TMEM132B: variants seen among roughly 807,000 people sequenced by gnomAD.
The protein encoded by TMEM132B is transmembrane protein 132B.
A neutral mutation model predicts 90.8 loss-of-function variants in TMEM132B; 18 were observed. That is an observed-to-expected ratio of 0.20 (90% CI 0.14 to 0.29). TMEM132B has a LOEUF of 0.29. Among genes scored for constraint, TMEM132B ranks in the 10% least tolerant of loss-of-function variants. The probability of loss-of-function intolerance (pLI) is 1.00; values close to 1 mark genes in which losing one functional copy is unlikely to be tolerated. For synonymous variants in TMEM132B, 504 were observed against 523.3 expected, an observed-to-expected ratio of 0.96 and a Z score of 0.50; for missense variants, 1,096 against 1,326.8, an observed-to-expected ratio of 0.83 and a Z score of 2.70.
intron 5 of TMEM132B, among the ~76,000 whole-genome samples, chr12:125,616,406 A>G (rs1187334686): frequency 6.6e-6 from 1 of 152,104 alleles, no homozygotes; most frequent in African/African-American, 2.4e-5. Context: ...CTGGCTGGCA[A>G]AGGTGGTCTT....
At chr12:125,584,258 C>T (rs962189841) in intron 5 of TMEM132B, 1 of 479,850 alleles carries the variant, frequency 2.1e-6, no homozygotes, top group Non-Finnish European at 3.8e-6. Flanking sequence ...TTCTCCTCCC[C>T]TTCTTGTCTC....
intron 1 of TMEM132B, among the ~76,000 whole-genome samples, chr12:125,258,401 G>A (rs908706985): frequency 1.3e-5 from 2 of 152,180 alleles, no homozygotes; most frequent in African/African-American, 2.4e-5. Flanking sequence ...ATAGCTAGGG[G>A]CAGGAAGCAC....
intron 1 of TMEM132B, among the ~76,000 whole-genome samples, chr12:125,244,355 A>G (rs1874159552): frequency 6.6e-6 from 1 of 152,142 alleles, no homozygotes; most frequent in African/African-American, 2.4e-5. Flanking sequence ...CTGGAGTGAG[A>G]GCAGAGGTGG....
intron 2 of TMEM132B, among the ~76,000 whole-genome samples, chr12:125,364,620 G>A (rs1428947229): frequency 6.6e-6 from 1 of 152,000 alleles, no homozygotes; most frequent in African/African-American, 2.4e-5. Context: ...ACAATGTTGG[G>A]TCTTCCGATA....
At chr12:125,260,818 A>T (rs1027550174) in intron 1 of TMEM132B, among the ~76,000 whole-genome samples, 3 of 152,158 alleles carry the variant, frequency 2.0e-5, no homozygotes, top group Admixed American at 6.5e-5. Context: ...TAGGAGGGCG[A>T]CGTTGGAAGA....
chr12:125,206,097 G>A (rs1873177313), intron 1 of TMEM132B, among the ~76,000 whole-genome samples: 2 of 152,286 alleles, frequency 1.3e-5, no homozygotes, highest in Middle Eastern at 3.4e-3. Flanking sequence ...CCCACAGCTA[G>A]GAGACAGTGG....
chr12:125,365,952 A>G (rs1219488231), intron 2 of TMEM132B, among the ~76,000 whole-genome samples: 2 of 152,066 alleles, frequency 1.3e-5, no homozygotes, highest in African/African-American at 2.4e-5. Context: ...ATTGAATACT[A>G]AAACTATTTC....
At chr12:125,598,199 C>G (rs1022047034) in intron 5 of TMEM132B, among the ~76,000 whole-genome samples, 1 of 152,036 alleles carries the variant, frequency 6.6e-6, no homozygotes, top group African/African-American at 2.4e-5. Flanking sequence ...AGCAATTACA[C>G]GCCATTATTT....
intron 5 of TMEM132B, among the ~76,000 whole-genome samples, chr12:125,622,061 C>T (rs12301308): frequency 0.19 from 29,417 of 152,024 alleles, 3,316 homozygotes; most frequent in African/African-American, 0.3. Context: ...AGCTGAGGTC[C>T]CTTTCAGCAG....
chr12:125,325,863 G>C (rs1335518113), intron 1 of TMEM132B, among the ~76,000 whole-genome samples: 1 of 152,118 alleles, frequency 6.6e-6, no homozygotes. Context: ...ATTCTCTCTT[G>C]TGTCTCATGG....
chr12:125,479,049 A>G (rs541059196), intron 3 of TMEM132B, among the ~76,000 whole-genome samples: 1 of 152,342 alleles, frequency 6.6e-6, no homozygotes, highest in Non-Finnish European at 1.5e-5. Flanking sequence ...TCCTTTACAG[A>G]CAAACAAATG....
chr12:125,342,018 C>A (rs1258656792), intron 1 of TMEM132B, among the ~76,000 whole-genome samples: 1 of 151,926 alleles, frequency 6.6e-6, no homozygotes, highest in Non-Finnish European at 1.5e-5. Context: ...GATGTTATGC[C>A]TATATTCTCT....
chr12:125,262,047 C>T (rs1394855784), intron 1 of TMEM132B, among the ~76,000 whole-genome samples: 1 of 152,052 alleles, frequency 6.6e-6, no homozygotes, highest in Non-Finnish European at 1.5e-5. Flanking sequence ...CACAACAAAC[C>T]AGTAATACCT....
intron 1 of TMEM132B, among the ~76,000 whole-genome samples, chr12:125,252,019 GT>G (rs990057409): frequency 2.0e-5 from 3 of 152,226 alleles, no homozygotes; most frequent in African/African-American, 7.2e-5. Context: ...ACTGGGGAGA[GT>G]TGTATGTGAA....
At chr12:125,325,287 C>A (rs1014012083) in intron 1 of TMEM132B, among the ~76,000 whole-genome samples, 2 of 152,092 alleles carry the variant, frequency 1.3e-5, no homozygotes, top group African/African-American at 4.8e-5. Context: ...AAAACAGGAG[C>A]GTTTGATGCC....
intron 1 of TMEM132B, among the ~76,000 whole-genome samples, chr12:125,255,061 T>C (rs1392813811): frequency 6.6e-6 from 1 of 152,154 alleles, no homozygotes; most frequent in Non-Finnish European, 1.5e-5. Context: ...GATTTGATGA[T>C]ATGCGTGGAA....
chr12:125,515,817 C>CAT lies in TMEM132B; in HGVS notation c.1107-3621_1107-3620insTA, dbSNP rs1417783871. Among the ~76,000 whole-genome samples the CAT allele has an allele frequency of 9.8e-3, 1,372 of 139,948 alleles. 22 individuals carry two copies. The highest frequency in any genetic ancestry group is 0.036 in the African/African-American group (1,333 of 37,418). 91.8% of individuals were successfully genotyped at this position (139,948 alleles called of 152,430 possible). ...TTCACACAAATACACATTCTATCAACACATTCACACATTCTGTCACACACA... is the reference window on the plus strand; with the variant it reads ...TTCACACAAATACACATTCTATCAACATACATTCACACATTCTGTCACACACA... On this transcript the variant is annotated intron_variant, in intron 3 of 8. Coordinates refer to ENST00000682704, the MANE Select transcript of TMEM132B (RefSeq NM_001366854.1).
chr12:125,335,419 G>T (rs1197597879), intron 1 of TMEM132B, among the ~76,000 whole-genome samples: 1 of 152,180 alleles, frequency 6.6e-6, no homozygotes, highest in East Asian at 1.9e-4. Context: ...CTGGGGAGGG[G>T]CACATGACCC....
chr12:125,597,926 G>A (rs997735089), intron 5 of TMEM132B, among the ~76,000 whole-genome samples: 2 of 152,178 alleles, frequency 1.3e-5, no homozygotes, highest in East Asian at 3.8e-4. Flanking sequence ...ATTTTCCTGT[G>A]TGCTGCCACC....
Sources: allele counts gnomAD v4.1 joint callset (sites outside exome capture counted in the v4.1 genomes callset), GRCh38; gene constraint gnomAD v4.1.1; transcripts MANE v1.5; gene names NCBI Gene and HGNC (gene_info 2026-07-23, HGNC 2026-07-21).